DPP10: variants seen among roughly 807,000 people sequenced by gnomAD.
DPP10 encodes the protein inactive dipeptidyl peptidase 10.
DPP10 carries 33 observed loss-of-function variants against 120.9 expected under a neutral mutation model. The ratio of observed to expected loss-of-function variants is 0.27; its 90% confidence interval spans 0.21 to 0.37. The LOEUF (loss-of-function observed/expected upper bound fraction) is 0.37. DPP10 is among the 10% of genes least tolerant of loss of function. The pLI is 1.00. For synonymous variants in DPP10, 337 were observed against 326.1 expected (o/e 1.03, Z -0.36); for missense variants, 816 against 942.8 (o/e 0.87, Z 1.76).
intron 1 of DPP10, among the ~76,000 whole-genome samples, chr2:114,486,721 A>G (rs970081646): frequency 1.3e-5 from 2 of 152,104 alleles, no homozygotes; most frequent in African/African-American, 4.8e-5. Context: ...TAATGTTGAA[A>G]ATATTTGTGA....
intron 1 of DPP10, among the ~76,000 whole-genome samples, chr2:115,132,228 A>G (rs2050399294): frequency 6.6e-6 from 1 of 152,170 alleles, no homozygotes; most frequent in Non-Finnish European, 1.5e-5. Flanking sequence ...TGTTGTGATG[A>G]CCAAGGTTTC....
At chr2:115,349,444 A>G (rs546711361) in intron 3 of DPP10, among the ~76,000 whole-genome samples, 1 of 152,212 alleles carries the variant, frequency 6.6e-6, no homozygotes, top group African/African-American at 2.4e-5. Context: ...GTGAAGATAA[A>G]AGGTAAAAGT....
At chr2:115,534,176 C>G (rs191898802) in intron 5 of DPP10, among the ~76,000 whole-genome samples, 1 of 151,348 alleles carries the variant, frequency 6.6e-6, no homozygotes, top group Non-Finnish European at 1.5e-5. Context: ...TAGTTACATA[C>G]GTATACATGT....
chr2:114,662,696 C>A (rs1697526130), intron 1 of DPP10, among the ~76,000 whole-genome samples: 1 of 152,160 alleles, frequency 6.6e-6, no homozygotes, highest in Non-Finnish European at 1.5e-5. Flanking sequence ...AGAAACCAAG[C>A]TGTGAGGCCA....
chr2:115,413,078 A>T (rs2104597150), intron 3 of DPP10, among the ~76,000 whole-genome samples: 1 of 152,116 alleles, frequency 6.6e-6, no homozygotes, highest in South Asian at 2.1e-4. Flanking sequence ...GGGATTTGGG[A>T]TTCTTGACCT....
intron 3 of DPP10, among the ~76,000 whole-genome samples, chr2:115,370,873 C>G (rs2065363972): frequency 6.6e-6 from 1 of 151,978 alleles, no homozygotes; most frequent in Non-Finnish European, 1.5e-5. Flanking sequence ...CTGCTAGTCC[C>G]AGAACTAACT....
intron 1 of DPP10, among the ~76,000 whole-genome samples, chr2:114,895,688 G>T (rs1692904892): frequency 6.6e-6 from 1 of 152,074 alleles, no homozygotes; most frequent in Non-Finnish European, 1.5e-5. Context: ...AGCCACTTTG[G>T]TTTCGAACTT....
At chr2:114,620,310 C>T (rs563564377) in intron 1 of DPP10, among the ~76,000 whole-genome samples, 1 of 151,964 alleles carries the variant, frequency 6.6e-6, no homozygotes, top group Non-Finnish European at 1.5e-5. Context: ...GTGAGTAGAT[C>T]GGTTTTTCTA....
intron 13 of DPP10, among the ~76,000 whole-genome samples, chr2:115,776,163 G>A (rs1682069125): frequency 6.6e-6 from 1 of 152,068 alleles, no homozygotes; most frequent in South Asian, 2.1e-4. Flanking sequence ...AGCTGTTGTT[G>A]TTTTATACTT....
At chr2:114,580,774 A>G (rs1362683518) in intron 1 of DPP10, among the ~76,000 whole-genome samples, 5 of 150,206 alleles carry the variant, frequency 3.3e-5, no homozygotes, top group Non-Finnish European at 7.4e-5. Flanking sequence ...AAATTATAGG[A>G]AGAACAAAAC....
intron 1 of DPP10, among the ~76,000 whole-genome samples, chr2:114,800,410 A>C (rs770164765): frequency 2.6e-5 from 4 of 152,220 alleles, no homozygotes; most frequent in Non-Finnish European, 5.9e-5. Context: ...TACTTATTTT[A>C]ATCAGCATTC....
intron 1 of DPP10, among the ~76,000 whole-genome samples, chr2:114,619,776 T>A (rs1317870218): frequency 6.6e-6 from 1 of 152,000 alleles, no homozygotes; most frequent in Non-Finnish European, 1.5e-5. Context: ...AGTTTCTACT[T>A]GCAGTTCTTC....
intron 1 of DPP10, among the ~76,000 whole-genome samples, chr2:114,717,013 G>C (rs1159748879): frequency 2.0e-5 from 3 of 152,202 alleles, no homozygotes; most frequent in Non-Finnish European, 2.9e-5. Context: ...TCGTTACAGA[G>C]CCAGTGCTGC....
chr2:115,066,236 A>G (rs1295282644), intron 1 of DPP10, among the ~76,000 whole-genome samples: 1 of 152,172 alleles, frequency 6.6e-6, no homozygotes, highest in Non-Finnish European at 1.5e-5. Context: ...AGATACGTAT[A>G]TTATTCTTTG....
At chr2:114,854,520 G>A (rs939217302) in intron 1 of DPP10, among the ~76,000 whole-genome samples, 1 of 152,110 alleles carries the variant, frequency 6.6e-6, no homozygotes, top group African/African-American at 2.4e-5. Context: ...ACTCTCTGTC[G>A]ACGCTCAAAA....
intron 3 of DPP10, among the ~76,000 whole-genome samples, chr2:115,347,816 C>T (rs1407088671): frequency 6.6e-6 from 1 of 152,050 alleles, no homozygotes; most frequent in East Asian, 1.9e-4. Flanking sequence ...ATGAACTCAT[C>T]CTTTTTTGTG....
intron 1 of DPP10, among the ~76,000 whole-genome samples, chr2:114,859,602 T>C (rs1344387992): frequency 6.6e-6 from 1 of 152,196 alleles, no homozygotes; most frequent in Non-Finnish European, 1.5e-5. Flanking sequence ...GAAATGGGAC[T>C]CACATTTTCT....
intron 1 of DPP10, among the ~76,000 whole-genome samples, chr2:114,695,069 C>T (rs991808488): frequency 2.0e-5 from 3 of 152,002 alleles, no homozygotes; most frequent in Non-Finnish European, 4.4e-5. Flanking sequence ...AATGAAAATA[C>T]TCTGAAACAG....
At chr2:115,476,279 G>A (rs960035968) in intron 3 of DPP10, among the ~76,000 whole-genome samples, 6 of 152,066 alleles carry the variant, frequency 3.9e-5, no homozygotes, top group African/African-American at 1.2e-4. Flanking sequence ...TTTTAAAAGC[G>A]TGTGGTACCT....
Sources: gnomAD v4.1 joint callset for allele counts (sites outside exome capture counted in the v4.1 genomes callset) on GRCh38, gnomAD v4.1.1 for gene constraint, MANE v1.5 for transcripts, NCBI Gene and HGNC (gene_info 2026-07-23, HGNC 2026-07-21) for gene names.